PRKD1: variants seen among roughly 807,000 people sequenced by gnomAD.
PRKD1 encodes the protein protein kinase D1.
A neutral mutation model predicts 95.9 loss-of-function variants in PRKD1; 63 were observed. The observed-to-expected ratio is 0.66, with a 90% confidence interval of 0.54 to 0.81. The LOEUF is 0.81. Ranked by LOEUF, PRKD1 falls within the 30% of genes least tolerant of loss-of-function variation. The probability of loss-of-function intolerance (pLI) is 0.00; values close to 1 mark genes in which losing one functional copy is unlikely to be tolerated. For synonymous variants in PRKD1, 425 were observed against 423.1 expected (o/e 1.00, Z -0.05); for missense variants, 1,048 against 1,165.3 (o/e 0.90, Z 1.47).
At chr14:29,663,646 C>T in intron 4 of PRKD1, 53 bp downstream of exon 4, 4 of 1,582,106 alleles carry the variant, frequency 2.5e-6, no homozygotes, top group Non-Finnish European at 3.5e-6. Context: ...GCTATCACAT[C>T]ACCCCACAGA....
At position 29,926,521 on chromosome 14, in the gene PRKD1, T is replaced by C. The variant is rs1450776550; in HGVS notation, c.264+728A>G. On this transcript the variant is annotated intron_variant, in intron 1 of 17. Coordinates refer to ENST00000331968, the MANE Select transcript of PRKD1 (RefSeq NM_002742.3). ...AATGACCCTTCTAACCTGCCTTCAG[T>C]GGCCGCTGTCCAGAGCCCCACAGCC... is the stretch of plus-strand genomic sequence containing the variant. Among the ~76,000 whole-genome samples the C allele has an allele frequency of 7.2e-5, 11 of 152,256 alleles. No individual in the cohort carries two copies. In the East Asian group the frequency reaches 2.1e-3, roughly 29 times the overall value.
At chr14:29,814,722 G>A (rs1027796699) in intron 1 of PRKD1, among the ~76,000 whole-genome samples, 2 of 152,106 alleles carry the variant, frequency 1.3e-5, no homozygotes, top group Admixed American at 1.3e-4. Flanking sequence ...TGCTGGCACC[G>A]ACACAAATAC....
At chr14:29,776,409 C>T (rs567310045) in intron 1 of PRKD1, among the ~76,000 whole-genome samples, 8 of 152,184 alleles carry the variant, frequency 5.3e-5, no homozygotes, top group Admixed American at 3.3e-4. Context: ...AAAGATTACA[C>T]GAATGGCTAA....
intron 1 of PRKD1, among the ~76,000 whole-genome samples, chr14:29,819,415 G>C (rs1890818160): frequency 6.6e-6 from 1 of 152,156 alleles, no homozygotes; most frequent in African/African-American, 2.4e-5. Flanking sequence ...TGGGGGCCGG[G>C]CGCGGTGGCT....
intron 1 of PRKD1, among the ~76,000 whole-genome samples, chr14:29,859,813 A>G (rs996765961): frequency 6.6e-6 from 1 of 152,160 alleles, no homozygotes; most frequent in Non-Finnish European, 1.5e-5. Context: ...ATGCAAAAAG[A>G]CGTGGAATTC....
intron 9 of PRKD1, 92 bp from the exon 10 acceptor site, chr14:29,631,113 C>G: frequency 8.7e-7 from 1 of 1,147,128 alleles, no homozygotes; most frequent in Non-Finnish European, 1.2e-6. Context: ...AAAATGACAT[C>G]ACAAATAGCC....
chr14:29,689,344 A>T (rs750508457), intron 2 of PRKD1, among the ~76,000 whole-genome samples: 2 of 152,206 alleles, frequency 1.3e-5, no homozygotes, highest in Non-Finnish European at 2.9e-5. Context: ...GCAGCCAATA[A>T]ACATTTTTTA....
chr14:29,738,289 A>G (rs1345230320), intron 1 of PRKD1, among the ~76,000 whole-genome samples: 2 of 152,142 alleles, frequency 1.3e-5, no homozygotes, highest in African/African-American at 4.8e-5. Context: ...AAAAATAAAA[A>G]AAGACTTTCC....
chr14:29,722,488 T>C (rs1369230439), intron 2 of PRKD1, among the ~76,000 whole-genome samples: 1 of 152,234 alleles, frequency 6.6e-6, no homozygotes, highest in East Asian at 1.9e-4. Flanking sequence ...AGTTTATTTC[T>C]GAGGATATAT....
chr14:29,911,368 A>C (rs1894707604), intron 1 of PRKD1, among the ~76,000 whole-genome samples: 1 of 152,212 alleles, frequency 6.6e-6, no homozygotes, highest in Admixed American at 6.5e-5. Flanking sequence ...TTTAAGTTCT[A>C]CTAGAAAGAT....
chr14:29,611,746 C>CAA (rs368153834), intron 13 of PRKD1, among the ~76,000 whole-genome samples: 2,434 of 136,556 alleles, frequency 0.018, 60 homozygotes, highest in African/African-American at 0.042. Context: ...GAATTATTAC[C>CAA]AAAAAAAAAA....
At chr14:29,752,362 A>T (rs1887516257) in intron 1 of PRKD1, among the ~76,000 whole-genome samples, 1 of 152,112 alleles carries the variant, frequency 6.6e-6, no homozygotes, top group Non-Finnish European at 1.5e-5. Context: ...AAGGATAATA[A>T]ATTATTTTTT....
rs967058321 is a variant in PRKD1, at chr14:29,718,612, G to A, written c.403+6924C>T. Among the ~76,000 whole-genome samples, 6 of 152,080 alleles carry A rather than the reference G, an allele frequency of 3.9e-5. No homozygotes were observed. The South Asian group carries it at 1.0e-3, about 26-fold the overall frequency. On this transcript the variant is annotated intron_variant, in intron 2 of 17. Coordinates refer to ENST00000331968, the MANE Select transcript of PRKD1 (RefSeq NM_002742.3). ...ATACTTGGGAGAAAAGAGAAATGAC[G>A]TGTATTTTCACATTTAGATTTTCCA...
At chr14:29,780,004 C>A (rs1390048054) in intron 1 of PRKD1, among the ~76,000 whole-genome samples, 1 of 152,168 alleles carries the variant, frequency 6.6e-6, no homozygotes, top group Non-Finnish European at 1.5e-5. Flanking sequence ...ACCATCTGAT[C>A]TTTGACAAAC....
intron 1 of PRKD1, among the ~76,000 whole-genome samples, chr14:29,912,468 C>T (rs186742726): frequency 1.3e-5 from 2 of 152,272 alleles, no homozygotes; most frequent in Admixed American, 1.3e-4. Context: ...GACTTCCAAA[C>T]CTATAATTCT....
rs45586038 is a variant in PRKD1 at position 29,580,600 on chromosome 14, T to A, written c.2435-2240A>T. On this transcript the variant is annotated intron_variant, in intron 16 of 17. Coordinates refer to ENST00000331968, the MANE Select transcript of PRKD1 (RefSeq NM_002742.3). The stretch of plus-strand genomic sequence containing the variant: ...AGAAAATAGGTCCGTCATTTGTAGT[T>A]GAGAATTCTGTTCTGCTTGTTACTT... Among the ~76,000 whole-genome samples the A allele has an allele frequency of 5.5e-3, 841 of 152,232 alleles. 8 individuals carry two copies. Among genetic ancestry groups the A allele is most frequent in the African/African-American group, 0.019 (795 of 41,542 alleles).
At chr14:29,900,290 G>A (rs1894276584) in intron 1 of PRKD1, among the ~76,000 whole-genome samples, 1 of 152,154 alleles carries the variant, frequency 6.6e-6, no homozygotes, top group Non-Finnish European at 1.5e-5. Flanking sequence ...GAAAGCAAGT[G>A]GCACAATCAG....
intron 1 of PRKD1, among the ~76,000 whole-genome samples, chr14:29,755,553 C>A (rs1887659152): frequency 6.6e-6 from 1 of 152,014 alleles, no homozygotes; most frequent in African/African-American, 2.4e-5. Context: ...GCTTTGTGTA[C>A]CAAGATAGTC....
At chr14:29,920,587 TAC>T (rs5807556) in intron 1 of PRKD1, among the ~76,000 whole-genome samples, 3,648 of 141,046 alleles carry the variant, frequency 0.026, 54 homozygotes, top group South Asian at 0.068. Flanking sequence ...TCCAGTCTAA[TAC>T]ACACACACAC....
Sources: allele counts gnomAD v4.1 joint callset (sites outside exome capture counted in the v4.1 genomes callset), GRCh38; gene constraint gnomAD v4.1.1; transcripts MANE v1.5; gene names NCBI Gene and HGNC (gene_info 2026-07-23, HGNC 2026-07-21).